Variants in B3GALT1 observed in about 807,000 individuals in gnomAD.
The protein encoded by B3GALT1 is beta-1,3-galactosyltransferase 1.
B3GALT1 carries 10 observed loss-of-function variants against 23.2 expected under a neutral mutation model. The observed-to-expected ratio is 0.43, with a 90% CI of 0.27 to 0.73. B3GALT1 has a LOEUF of 0.73. Among genes scored for constraint, B3GALT1 ranks in the 30% least tolerant of loss-of-function variants. The probability of loss-of-function intolerance (pLI) is 0.21; values close to 1 mark genes in which losing one functional copy is unlikely to be tolerated. For missense variants in B3GALT1, 299 were observed against 405.4 expected (o/e 0.74, Z 2.25); for synonymous variants, 156 against 141.5 (o/e 1.10, Z -0.73).
Position 167,777,201 on chromosome 2 carries a change from A to G in B3GALT1, c.-351-41471A>G, listed in dbSNP as rs186142866. 1.2e-4 allele frequency among the ~76,000 whole-genome samples: 18 copies of G among 152,358 alleles called. No homozygotes were observed. The East Asian group carries it at 3.1e-3, about 26-fold the overall frequency. On this transcript the variant is annotated intron_variant, in intron 3 of 4. Coordinates refer to ENST00000392690, the MANE Select transcript of B3GALT1 (RefSeq NM_020981.4). The stretch of plus-strand genomic sequence containing the variant: ...ATAGAGTTTATAATAGAGTTTTATA[A>G]TAACACAATCATAAAATGAATAACC...
At chr2:167,800,576 G>A (rs747806276) in intron 3 of B3GALT1, among the ~76,000 whole-genome samples, 2 of 152,218 alleles carry the variant, frequency 1.3e-5, no homozygotes, top group South Asian at 2.1e-4. Context: ...CTGCCTAGTA[G>A]TATCTGCATC....
chr2:167,738,950 A>G (rs918869674), intron 3 of B3GALT1, among the ~76,000 whole-genome samples: 13 of 152,194 alleles, frequency 8.5e-5, no homozygotes, highest in Non-Finnish European at 1.3e-4. Flanking sequence ...CTATTAAGAC[A>G]GTATTATAAA....
intron 4 of B3GALT1, among the ~76,000 whole-genome samples, chr2:167,851,398 C>T (rs902778881): frequency 7.9e-5 from 12 of 152,152 alleles, no homozygotes; most frequent in Non-Finnish European, 1.5e-4. Flanking sequence ...AGGGAAGTCA[C>T]AGAACATCTT....
At chr2:167,446,120 T>G (rs535042551) in intron 1 of B3GALT1, among the ~76,000 whole-genome samples, 1 of 152,238 alleles carries the variant, frequency 6.6e-6, no homozygotes, top group South Asian at 2.1e-4. Flanking sequence ...CCTTCACTTA[T>G]GAAACTTAGT....
intron 2 of B3GALT1, among the ~76,000 whole-genome samples, chr2:167,535,690 TAC>T (rs1683404195): frequency 6.6e-6 from 1 of 152,156 alleles, no homozygotes; most frequent in African/African-American, 2.4e-5. Context: ...TGGCATTAAT[TAC>T]ATTTTCAGAG....
intron 4 of B3GALT1, among the ~76,000 whole-genome samples, chr2:167,835,296 G>T (rs1163364566): frequency 1.3e-5 from 2 of 152,220 alleles, no homozygotes; most frequent in Non-Finnish European, 2.9e-5. Flanking sequence ...AGGGGTGACA[G>T]ATGGCACCTG....
intron 1 of B3GALT1, among the ~76,000 whole-genome samples, chr2:167,407,352 C>T (rs1029050799): frequency 2.0e-5 from 3 of 151,686 alleles, no homozygotes; most frequent in East Asian, 3.9e-4. Context: ...GCACTAAGAG[C>T]GAAGTTGATA....
intron 1 of B3GALT1, among the ~76,000 whole-genome samples, chr2:167,298,780 G>A (rs967982808): frequency 6.6e-6 from 1 of 152,010 alleles, no homozygotes; most frequent in Admixed American, 6.6e-5. Context: ...AAAACTGTGT[G>A]CAGTTTTTTG....
At chr2:167,498,539 T>C (rs1699807349) in intron 2 of B3GALT1, among the ~76,000 whole-genome samples, 1 of 152,168 alleles carries the variant, frequency 6.6e-6, no homozygotes, top group Non-Finnish European at 1.5e-5. Context: ...TCTTTCTATG[T>C]TATGTAGCAA....
At position 167,615,655 on chromosome 2, in the gene B3GALT1, T is replaced by A. The variant is rs1282566435; in HGVS notation, c.-409-31254T>A. ...TATACAATTTTTGTCAATTAAAAAATAAAAAAAAATTGAAAAGCAAACAAT... is the reference window on the plus strand; with the variant it reads ...TATACAATTTTTGTCAATTAAAAAAAAAAAAAAAATTGAAAAGCAAACAAT... On this transcript the variant is annotated intron_variant, in intron 2 of 4. Coordinates refer to ENST00000392690, the MANE Select transcript of B3GALT1 (RefSeq NM_020981.4). 2.6e-5 allele frequency among the ~76,000 whole-genome samples: 4 copies of A among 150,980 alleles called. No homozygotes were observed. In the East Asian group the frequency reaches 7.8e-4, roughly 29 times the overall value.
chr2:167,716,057 C>T, intron 3 of B3GALT1: 1 of 1,591,378 alleles, frequency 6.3e-7, no homozygotes, highest in Non-Finnish European at 8.6e-7. Flanking sequence ...TAGCGCCGGG[C>T]TCCTCCATAG....
At chr2:167,700,319 T>C (rs1427998038) in intron 3 of B3GALT1, among the ~76,000 whole-genome samples, 1 of 152,192 alleles carries the variant, frequency 6.6e-6, no homozygotes, top group African/African-American at 2.4e-5. Context: ...TAGCAATCTA[T>C]ATGGGAAAGG....
At chr2:167,388,680 G>GA (rs903655596) in intron 1 of B3GALT1, among the ~76,000 whole-genome samples, 2 of 152,010 alleles carry the variant, frequency 1.3e-5, no homozygotes, top group Admixed American at 6.5e-5. Context: ...GGGGAGTTTT[G>GA]AAAAAAAGAC....
chr2:167,729,254 G>A lies in B3GALT1; in HGVS notation c.-352+82288G>A, dbSNP rs150041776. On this transcript the variant is annotated intron_variant, in intron 3 of 4. Coordinates refer to ENST00000392690, the MANE Select transcript of B3GALT1 (RefSeq NM_020981.4). Reference sequence around the variant, plus strand: ...TTGTTGAATGAGCAGGTGAGGACAGGTGCTAACAAGAATGATGGAGGATGG... The same window carrying A: ...TTGTTGAATGAGCAGGTGAGGACAGATGCTAACAAGAATGATGGAGGATGG... 2.6e-5 allele frequency among the ~76,000 whole-genome samples: 4 copies of A among 152,308 alleles called. No homozygotes were observed. The East Asian group carries it at 7.7e-4, about 29-fold the overall frequency.
intron 2 of B3GALT1, among the ~76,000 whole-genome samples, chr2:167,593,415 C>T (rs1684718215): frequency 6.6e-6 from 1 of 152,128 alleles, no homozygotes; most frequent in South Asian, 2.1e-4. Context: ...ATAATTCCAT[C>T]TGTTTTGTTC....
intron 3 of B3GALT1, among the ~76,000 whole-genome samples, chr2:167,657,672 G>T (rs1193722507): frequency 1.3e-5 from 2 of 152,000 alleles, no homozygotes; most frequent in Non-Finnish European, 2.9e-5. Context: ...CAGTCTAGTG[G>T]GCTGATAGTG....
At chr2:167,733,024 G>A (rs1369789160) in intron 3 of B3GALT1, among the ~76,000 whole-genome samples, 1 of 152,182 alleles carries the variant, frequency 6.6e-6, no homozygotes, top group East Asian at 1.9e-4. Flanking sequence ...TACACAGCTG[G>A]TAAGTGGCAG....
intron 3 of B3GALT1, among the ~76,000 whole-genome samples, chr2:167,809,531 G>T (rs529885345): frequency 3.3e-5 from 5 of 152,228 alleles, no homozygotes; most frequent in Non-Finnish European, 5.9e-5. Context: ...AGGTCTGTTA[G>T]AGTTTGCTGG....
intron 2 of B3GALT1, among the ~76,000 whole-genome samples, chr2:167,502,695 C>T (rs1009104340): frequency 6.6e-6 from 1 of 152,120 alleles, no homozygotes; most frequent in Non-Finnish European, 1.5e-5. Context: ...GGATCCACCC[C>T]CATGATCCAA....
Sources: gnomAD v4.1 joint callset for allele counts (sites outside exome capture counted in the v4.1 genomes callset) on GRCh38, gnomAD v4.1.1 for gene constraint, MANE v1.5 for transcripts, NCBI Gene and HGNC (gene_info 2026-07-23, HGNC 2026-07-21) for gene names.